Variants in NID1 observed in about 807,000 individuals in gnomAD.
The protein encoded by NID1 is nidogen 1.
A neutral mutation model predicts 130.6 loss-of-function variants in NID1; 76 were observed. The observed-to-expected ratio is 0.58, with a 90% CI of 0.48 to 0.70. The LOEUF (loss-of-function observed/expected upper bound fraction) is 0.70. Among genes scored for constraint, NID1 ranks in the 30% least tolerant of loss-of-function variants. The pLI, the probability that NID1 is intolerant of heterozygous loss-of-function variation, is 0.00. For missense variants in NID1, 1,517 were observed against 1,664.8 expected (o/e 0.91, Z 1.54); for synonymous variants, 665 against 675.1 (o/e 0.98, Z 0.23).
chr1:236,042,082 T>C lies in NID1; in HGVS notation c.963A>G (p.Gly321=), dbSNP rs1435404646. 1.2e-6 allele frequency: 2 copies of C among 1,614,080 alleles called. No homozygotes were observed. The highest frequency in any genetic ancestry group is 3.3e-5 in the Admixed American group (2 of 60,006). Residue 321 remains glycine (G), a synonymous_variant, in exon 4 of 20, where the codon GGA becomes GGG. Transcript: ENST00000264187. Reference sequence around the variant, plus strand: ...TGGGCACACTGTATGTGTCAGCACCTCCCCTTCTCAGAGCCTTGTAGGAGA... The same window carrying C: ...TGGGCACACTGTATGTGTCAGCACCCCCCCTTCTCAGAGCCTTGTAGGAGA... ...TPFSYKALRR[G]GADTYSVPSV... is the part of the protein sequence containing the mutation.
intron 2 of NID1, among the ~76,000 whole-genome samples, chr1:236,046,914 A>G (rs76388494): frequency 0.014 from 2,186 of 152,290 alleles, 28 homozygotes; most frequent in Admixed American, 0.025. Context: ...GGGGAAGGGA[A>G]GAGGTATGGT....
At position 236,019,697 on chromosome 1, in the gene NID1, T is replaced by G. The variant is rs184264674; in HGVS notation, c.2129-2424A>C. Among the ~76,000 whole-genome samples, 680 of 152,330 alleles carry G rather than the reference T, an allele frequency of 4.5e-3. 15 individuals carry two copies. Among genetic ancestry groups the G allele is most frequent in the Admixed American group, 0.042 (648 of 15,302 alleles). ...AAGACCCTAGCAATTTCTGAGCTAA[T>G]AGTCCACGGTCTTTGCAGTTTGGAA... On this transcript the variant is annotated intron_variant, in intron 9 of 19. Transcript: ENST00000264187.
Position 236,041,909 on chromosome 1 carries a change from C to G in NID1, c.1135+1G>C. On this transcript the variant is annotated splice_donor_variant, in intron 4 of 19. Transcript: ENST00000264187. LOFTEE classifies it high-confidence loss of function. Reference sequence around the variant, plus strand: ...ACCAACTGCAACTTAAATGGTCTTACCAACTCCTGTTTCCTCAACTTCATC... The same window carrying G: ...ACCAACTGCAACTTAAATGGTCTTAGCAACTCCTGTTTCCTCAACTTCATC... 1 of 1,603,028 alleles carries G rather than the reference C, an allele frequency of 6.2e-7. No homozygotes were observed. Among genetic ancestry groups the G allele is most frequent in the Non-Finnish European group, 8.5e-7 (1 of 1,173,314 alleles).
chr1:236,033,125 C>T (rs1376919542), intron 5 of NID1, among the ~76,000 whole-genome samples: 5 of 152,036 alleles, frequency 3.3e-5, no homozygotes, highest in East Asian at 3.9e-4. Context: ...CTGGCCAATA[C>T]GGCGAAACCC....
At chr1:235,980,473 G>T in intron 17 of NID1, 23 bp downstream of exon 17, 1 of 1,613,602 alleles carries the variant, frequency 6.2e-7, no homozygotes, top group Non-Finnish European at 8.5e-7. Context: ...ACCCGCCCTG[G>T]ACAGTGTCCA....
Position 235,993,658 on chromosome 1 carries a change from C to T in NID1, c.2742G>A (p.Gly914=). Residue 914 remains glycine (G), a synonymous_variant, in exon 13 of 20, where the codon GGG becomes GGA. Transcript: ENST00000264187. ...REVEGTRTRP[G]MTPPCLSTVA... The stretch of plus-strand genomic sequence containing the variant: ...GCACCCACTTACACGGGGGCGTCAT[C>T]CCGGGCCTGGTCCTGGTGCCCTCCA... 1.3e-6 allele frequency: 2 copies of T among 1,556,378 alleles called. No homozygotes were observed. The highest frequency in any genetic ancestry group is 1.2e-5 in the South Asian group (1 of 85,608).
intron 12 of NID1, among the ~76,000 whole-genome samples, chr1:235,997,820 C>G (rs1462263608): frequency 6.6e-6 from 1 of 152,092 alleles, no homozygotes; most frequent in African/African-American, 2.4e-5. Flanking sequence ...GTTGGCCAGG[C>G]TGGTCTCGAA....
At chr1:236,032,280 A>G in intron 6 of NID1, 121 bp downstream of exon 6, 2 of 1,277,760 alleles carry the variant, frequency 1.6e-6, no homozygotes, top group Non-Finnish European at 2.2e-6. Context: ...TACAGACAAA[A>G]AGGAGCAACA....
At chr1:236,030,534 C>T (rs919677664) in intron 6 of NID1, among the ~76,000 whole-genome samples, 1 of 152,084 alleles carries the variant, frequency 6.6e-6, no homozygotes, top group Non-Finnish European at 1.5e-5. Context: ...TTTCAGTGCC[C>T]AGTCAAAAAG....
intron 5 of NID1, among the ~76,000 whole-genome samples, chr1:236,033,478 A>G (rs1383159234): frequency 1.3e-5 from 2 of 152,206 alleles, no homozygotes; most frequent in African/African-American, 4.8e-5. Flanking sequence ...TAGCACTGCC[A>G]GTCTGAGTCT....
intron 9 of NID1, among the ~76,000 whole-genome samples, chr1:236,018,704 GC>G (rs1311009779): frequency 6.6e-6 from 1 of 152,212 alleles, no homozygotes; most frequent in Non-Finnish European, 1.5e-5. Flanking sequence ...CTCCCAAAGT[GC>G]TGGGATTACA....
chr1:236,031,194 CT>C (rs1313639502), intron 6 of NID1, among the ~76,000 whole-genome samples: 7 of 152,086 alleles, frequency 4.6e-5, no homozygotes, highest in African/African-American at 1.7e-4. Context: ...TCTCGGCTCA[CT>C]GCAACCTCCG....
At chr1:236,031,822 C>T (rs183129930) in intron 6 of NID1, among the ~76,000 whole-genome samples, 23 of 152,322 alleles carry the variant, frequency 1.5e-4, no homozygotes, top group African/African-American at 5.5e-4. Context: ...CCCACGCGTC[C>T]AGTAAAGACT....
intron 4 of NID1, 126 bp from the exon 5 acceptor site, chr1:236,038,379 G>A: frequency 1.0e-6 from 1 of 952,940 alleles, no homozygotes. Context: ...CAAGGGACCA[G>A]GCTCACTACA....
chr1:236,022,800 C>T (rs1451221086), intron 9 of NID1, among the ~76,000 whole-genome samples: 3 of 151,494 alleles, frequency 2.0e-5, no homozygotes, highest in African/African-American at 7.3e-5. Context: ...TGGCAGCTCA[C>T]ACCTGTAATC....
At chr1:236,028,768 G>T (rs1216002660) in intron 7 of NID1, among the ~76,000 whole-genome samples, 3 of 152,048 alleles carry the variant, frequency 2.0e-5, no homozygotes, top group Admixed American at 2.0e-4. Flanking sequence ...TTAACAATTG[G>T]TGAAGCTAGA....
In NID1 at chr1:236,064,876, T is replaced by C; in HGVS notation, c.204A>G (p.Arg68=). 2 of 1,612,134 alleles carry C rather than the reference T, an allele frequency of 1.2e-6. No individual in the cohort carries two copies. The highest frequency in any genetic ancestry group is 2.2e-5 in the South Asian group (2 of 90,918). The part of the protein sequence containing the change: ...ELSGALRFYD[R]SDIDAVYVTT... ...TCACGTAGACTGCGTCGATGTCGGA[T>C]CTGTCGTAGAAGCGGAGCGCCCCAC... Residue 68 remains arginine (R), a synonymous_variant, in exon 1 of 20, where the codon AGA becomes AGG. Coordinates refer to ENST00000264187, the MANE Select transcript of NID1 (RefSeq NM_002508.3).
At chr1:236,032,333 T>A in intron 6 of NID1, 68 bp downstream of exon 6, 2 of 1,562,974 alleles carry the variant, frequency 1.3e-6, no homozygotes, top group Non-Finnish European at 1.7e-6. Flanking sequence ...TCTCCTTCCA[T>A]CCATCCCCAG....
At position 236,035,254 on chromosome 1, in the gene NID1, T is replaced by C. The variant is rs59148797; in HGVS notation, c.1286-2602A>G. ...TGAGAATATGCGGTGTTTGGTTTTT[T>C]GTTCTTGCGATAGTTTACTGAGAAT... On this transcript the variant is annotated intron_variant, in intron 5 of 19. Coordinates refer to ENST00000264187, the MANE Select transcript of NID1 (RefSeq NM_002508.3). 5.3e-3 allele frequency among the ~76,000 whole-genome samples: 548 copies of C among 103,936 alleles called. 15 individuals carry two copies. Among genetic ancestry groups the C allele is most frequent in the African/African-American group, 0.021 (516 of 24,600 alleles). The allele number at this position is 103,936 out of a possible 152,430, so 68.2% of individuals were successfully genotyped here. A position where few individuals can be genotyped will look rare whatever the true frequency, so the allele number is the denominator to read the frequency against.
Sources: allele counts gnomAD v4.1 joint callset (sites outside exome capture counted in the v4.1 genomes callset), GRCh38; gene constraint gnomAD v4.1.1; transcripts MANE v1.5; gene names NCBI Gene and HGNC (gene_info 2026-07-23, HGNC 2026-07-21).